Variants in SDK2 observed in about 807,000 individuals in gnomAD.
SDK2 encodes protein sidekick-2.
Under a neutral mutation model 253.9 loss-of-function variants are expected in SDK2, and 105 were observed. The ratio of observed to expected loss-of-function variants is 0.41; its 90% CI spans 0.35 to 0.49. SDK2 has a LOEUF of 0.49. Ranked by LOEUF, SDK2 falls within the 20% of genes least tolerant of loss-of-function variation. The pLI is 0.06. For missense variants in SDK2, 2,608 were observed against 3,003.0 expected (o/e 0.87, Z 3.07); for synonymous variants, 1,249 against 1,234.9 (o/e 1.01, Z -0.24).
intron 1 of SDK2, among the ~76,000 whole-genome samples, chr17:73,623,012 T>G (rs2046152839): frequency 6.6e-6 from 1 of 152,226 alleles, no homozygotes; most frequent in African/African-American, 2.4e-5. Flanking sequence ...CCTGGAATCC[T>G]CCTCCTGAGC....
At chr17:73,446,022 T>C (rs2063450868) in intron 5 of SDK2, among the ~76,000 whole-genome samples, 1 of 152,010 alleles carries the variant, frequency 6.6e-6, no homozygotes, top group African/African-American at 2.4e-5. Context: ...AGTAGCCTAG[T>C]TTAACGCCTA....
In SDK2 at chr17:73,352,691, C is replaced by T. The variant is rs778868942; in HGVS notation, c.5594-54G>A. 89 of 1,585,768 alleles carry T rather than the reference C, an allele frequency of 5.6e-5. No individual in the cohort carries two copies. Among genetic ancestry groups the T allele is most frequent in the East Asian group, 9.0e-5 (4 of 44,496 alleles). On this transcript the variant is annotated intron_variant, in intron 40 of 44. Transcript: ENST00000392650. This position sits in a 1 kb window ranked among gnomAD's most constrained non-coding sequence, Gnocchi z 4.1. ...GGAGGTGAGGGGAAGCCCCAAATCC[C>T]GCTCCCAGCCCCGTTCTGACTATGC...
intron 15 of SDK2, 120 bp from the exon 16 acceptor site, chr17:73,419,426 G>C: frequency 9.2e-7 from 1 of 1,085,016 alleles, no homozygotes; most frequent in Non-Finnish European, 1.3e-6. Context: ...ACTGCTGTGT[G>C]CATCTGGGCA....
At chr17:73,582,425 G>A (rs976006876) in intron 1 of SDK2, among the ~76,000 whole-genome samples, 4 of 152,216 alleles carry the variant, frequency 2.6e-5, no homozygotes, top group African/African-American at 9.6e-5. Context: ...GTGCAGGCAC[G>A]AACACTTTGC....
chr17:73,447,326 C>T lies in SDK2; in HGVS notation c.613+289G>A, dbSNP rs151224509. Among the ~76,000 whole-genome samples, 107 of 152,298 alleles carry T rather than the reference C, an allele frequency of 7.0e-4. No individual in the cohort carries two copies. In the East Asian group the frequency reaches 0.017, roughly 24 times the overall value. On this transcript the variant is annotated intron_variant, in intron 5 of 44. Coordinates refer to ENST00000392650, the MANE Select transcript of SDK2 (RefSeq NM_001144952.2). This position sits in a 1 kb window ranked among gnomAD's most constrained non-coding sequence, Gnocchi z 4.0. ...CACGCTCTTCCTCTGCCCCACCCCTCCCTGGGTCCCTGGTAGCCCTGCTAA... is the reference window on the plus strand; with the variant it reads ...CACGCTCTTCCTCTGCCCCACCCCTTCCTGGGTCCCTGGTAGCCCTGCTAA...
In SDK2 at chr17:73,598,014, C is replaced by T. The variant is rs9911841; in HGVS notation, c.64+46011G>A. ...CTACTTCTACAGATGGGAAGAGTGA[C>T]GCTCAGAGGGTTTGGGTCACTATTC... On this transcript the variant is annotated intron_variant, in intron 1 of 44. Coordinates refer to ENST00000392650, the MANE Select transcript of SDK2 (RefSeq NM_001144952.2). Among the ~76,000 whole-genome samples the T allele has an allele frequency of 3.0e-4, 45 of 152,110 alleles. No individual in the cohort carries two copies. The East Asian group carries it at 7.9e-3, about 27-fold the overall frequency.
At chr17:73,524,079 G>A (rs1360397152) in intron 1 of SDK2, among the ~76,000 whole-genome samples, 2 of 152,114 alleles carry the variant, frequency 1.3e-5, no homozygotes, top group East Asian at 3.9e-4. Context: ...CTGACCTATC[G>A]CTTCTCATTC....
chr17:73,380,739 A>G (rs1215134447), intron 34 of SDK2, among the ~76,000 whole-genome samples, 155 bp downstream of exon 34: 1 of 152,210 alleles, frequency 6.6e-6, no homozygotes, highest in African/African-American at 2.4e-5. Flanking sequence ...CCGTGTGTTT[A>G]GGGTTATCAC....
chr17:73,419,740 C>A (rs1178735886), intron 15 of SDK2, among the ~76,000 whole-genome samples: 1 of 147,838 alleles, frequency 6.8e-6, no homozygotes, highest in Admixed American at 6.8e-5. Context: ...CAAAAAAACT[C>A]CCTCCTGGTG....
intron 2 of SDK2, among the ~76,000 whole-genome samples, chr17:73,473,010 A>G (rs1240893200): frequency 6.6e-6 from 1 of 152,190 alleles, no homozygotes; most frequent in East Asian, 1.9e-4. Context: ...TAAATTGCCC[A>G]GTCTCAGGTA....
At chr17:73,427,657 A>AAAAAG (rs1665189772) in intron 12 of SDK2, among the ~76,000 whole-genome samples, 1 of 151,826 alleles carries the variant, frequency 6.6e-6, no homozygotes, top group Non-Finnish European at 1.5e-5. Flanking sequence ...AAAAAAAAAA[A>AAAAAG]AAAAATCTAG....
rs200244352 is a variant in SDK2, at chr17:73,447,696, C to T, written c.532G>A (p.Ala178Thr). The change falls in exon 5 of 45, where the codon GCA (alanine) becomes ACA (threonine). Residue 178 changes from alanine to threonine, a missense_variant. Transcript: ENST00000392650. The surrounding 1 kb of genome is among the most constrained non-coding windows in gnomAD (Gnocchi z 4.0). The stretch of plus-strand genomic sequence containing the variant: ...ACAGCCTGCACATAGTAGCGACCTG[C>T]GTCAGGGGCCACCGTTGACAGGATG... Reference protein sequence around the residue: ...LVILSTVAPDAGRYYVQAVND... With the variant: ...LVILSTVAPDTGRYYVQAVND... 1,878 of 1,551,742 alleles carry T rather than the reference C, an allele frequency of 1.2e-3. 3 individuals are homozygous for T. Among genetic ancestry groups the T allele is most frequent in the Non-Finnish European group, 1.5e-3 (1,746 of 1,146,992 alleles).
At chr17:73,420,371 G>A (rs1421694435) in intron 15 of SDK2, among the ~76,000 whole-genome samples, 11 of 152,110 alleles carry the variant, frequency 7.2e-5, no homozygotes, top group African/African-American at 7.2e-5. Flanking sequence ...TTGCTCTTTC[G>A]CCCAGGCTGG....
chr17:73,483,686 TATATATATATATATATATATA>T (rs1482445430), intron 2 of SDK2, among the ~76,000 whole-genome samples: 2 of 77,780 alleles, frequency 2.6e-5, no homozygotes, highest in African/African-American at 1.0e-4. Context: ...TATATATTTA[TATATATATATATATATATATA>T]TTTTTTTTTT....
In SDK2 at chr17:73,338,601, A is replaced by C; in HGVS notation, c.6505T>G (p.Ser2169Ala). ...CTCTTCTGATGTCAAACAAATGATG[A>C]AAATCCTGCTATGGGAGCCCGGGAG... ...PGSRAPIAGF[S>A]SFV is the part of the protein sequence containing the mutation. The change falls in exon 45 of 45, where the codon TCA (serine) becomes GCA (alanine). Residue 2169 changes from serine to alanine, a missense_variant. This residue lies in a region of SDK2 where 1,103 missense variants were observed against 1,143.9 expected (regional missense o/e 0.96). Coordinates refer to ENST00000392650, the MANE Select transcript of SDK2 (RefSeq NM_001144952.2). The surrounding 1 kb of genome is among the most constrained non-coding windows in gnomAD (Gnocchi z 5.0). 1.3e-6 allele frequency: 2 copies of C among 1,518,916 alleles called. No homozygotes were observed. Among genetic ancestry groups the C allele is most frequent in the Non-Finnish European group, 1.8e-6 (2 of 1,138,968 alleles). The allele number at this position is 1,518,916 out of a possible 1,614,324, so 94.1% of individuals were successfully genotyped here.
chr17:73,533,932 T>A (rs1053777746), intron 1 of SDK2, among the ~76,000 whole-genome samples: 2 of 152,138 alleles, frequency 1.3e-5, no homozygotes, highest in Non-Finnish European at 2.9e-5. Flanking sequence ...AATTAGCTGG[T>A]GCTGAAATTC....
At chr17:73,489,469 T>C (rs1006525043) in intron 2 of SDK2, among the ~76,000 whole-genome samples, 41 of 152,036 alleles carry the variant, frequency 2.7e-4, no homozygotes, top group African/African-American at 9.7e-4. Context: ...CAGGGATTGG[T>C]GAGTTGTGAT....
chr17:73,425,192 C>T (rs148505582), intron 12 of SDK2, among the ~76,000 whole-genome samples: 1 of 152,064 alleles, frequency 6.6e-6, no homozygotes, highest in Non-Finnish European at 1.5e-5. Flanking sequence ...TGCACTCCAG[C>T]CTGGGCGACA....
intron 1 of SDK2, among the ~76,000 whole-genome samples, chr17:73,557,865 C>A (rs1226187965): frequency 2.0e-5 from 3 of 152,190 alleles, no homozygotes; most frequent in African/African-American, 7.2e-5. Context: ...GGTCTGCCTG[C>A]AGCCTCTACC....
Sources: allele counts gnomAD v4.1 joint callset (sites outside exome capture counted in the v4.1 genomes callset), GRCh38; gene constraint gnomAD v4.1.1; regional missense constraint gnomAD v4.1.1; non-coding constraint Gnocchi (gnomAD v3.1); transcripts MANE v1.5; gene names NCBI Gene and HGNC (gene_info 2026-07-23, HGNC 2026-07-21).